RNF152: variants seen among roughly 807,000 people sequenced by gnomAD.
RNF152 encodes the protein ring finger protein 152, also known as E3 ubiquitin-protein ligase RNF152.
A neutral mutation model predicts 12.7 loss-of-function variants in RNF152; 11 were observed. The ratio of observed to expected loss-of-function variants is 0.86; its 90% CI spans 0.54 to 1.43. RNF152 has a LOEUF of 1.43. Ranked by LOEUF, RNF152 falls within the 40% of genes most tolerant of loss-of-function variation. The probability of loss-of-function intolerance (pLI) is 0.00; values close to 1 mark genes in which losing one functional copy is unlikely to be tolerated. For synonymous variants in RNF152, 113 were observed against 120.3 expected (o/e 0.94, Z 0.40); for missense variants, 255 against 274.8 (o/e 0.93, Z 0.51).
intron 1 of RNF152, among the ~76,000 whole-genome samples, chr18:61,873,723 G>A (rs1243775595): frequency 6.6e-6 from 1 of 152,144 alleles, no homozygotes; most frequent in Non-Finnish European, 1.5e-5. Context: ...CCCACATAGT[G>A]AACTCTAATT....
intron 1 of RNF152, among the ~76,000 whole-genome samples, chr18:61,891,954 G>T (rs942222836): frequency 1.3e-5 from 2 of 152,210 alleles, no homozygotes; most frequent in Non-Finnish European, 2.9e-5. Context: ...TGCTACTAGT[G>T]TAGGATGCGC....
At chr18:61,844,191 A>AAGGGAAGGAGGGAGGGAAGGAGGG (rs375491495) in intron 1 of RNF152, among the ~76,000 whole-genome samples, 2,688 of 58,700 alleles carry the variant, frequency 0.046, 180 homozygotes, top group African/African-American at 0.11. Context: ...GGAAGGAAGG[A>AAGGGAAGGAGGGAGGGAAGGAGGG]AGGGAAGGAG....
Position 61,816,072 on chromosome 18 carries a change from G to A in RNF152, c.392C>T (p.Thr131Ile), listed in dbSNP as rs1256528909. ...CTGTTCAGCAGGGATGGTCACCACG[G>A]TGACGGACTTCTGCTGGCTCCCGGG... ...LLPGSQQKSV[T>I]VVTIPAEQQP... Residue 131 changes from threonine to isoleucine, a missense_variant, in exon 2 of 2, where the codon ACC becomes ATC. By Grantham distance (89) the Thr-to-Ile change is moderately conservative. Coordinates refer to ENST00000312828, the MANE Select transcript of RNF152 (RefSeq NM_173557.3). 1 of 1,614,222 alleles carries A rather than the reference G, an allele frequency of 6.2e-7. No individual in the cohort carries two copies. Among genetic ancestry groups the A allele is most frequent in the African/African-American group, 1.3e-5 (1 of 75,066 alleles).
intron 1 of RNF152, among the ~76,000 whole-genome samples, chr18:61,889,065 C>T (rs565780542): frequency 6.6e-6 from 1 of 152,260 alleles, no homozygotes; most frequent in Non-Finnish European, 1.5e-5. Flanking sequence ...CCCAGGCACC[C>T]TGAATGGGTT....
intron 1 of RNF152, among the ~76,000 whole-genome samples, chr18:61,854,075 C>T (rs777999066): frequency 3.4e-4 from 51 of 152,188 alleles, no homozygotes; most frequent in Non-Finnish European, 5.7e-4. Context: ...CCAAGCCCCA[C>T]GTTCTTTCTG....
At chr18:61,827,435 A>G (rs1400846393) in intron 1 of RNF152, among the ~76,000 whole-genome samples, 7 of 152,230 alleles carry the variant, frequency 4.6e-5, no homozygotes, top group East Asian at 1.9e-4. Flanking sequence ...GGCTCAATGA[A>G]AAAACAAACA....
chr18:61,878,799 A>G (rs1398987520), intron 1 of RNF152, among the ~76,000 whole-genome samples: 1 of 152,230 alleles, frequency 6.6e-6, no homozygotes, highest in African/African-American at 2.4e-5. Context: ...TCACAAGGGC[A>G]GAGCCTTCAT....
chr18:61,849,927 A>G (rs188513449), intron 1 of RNF152, among the ~76,000 whole-genome samples: 138 of 152,300 alleles, frequency 9.1e-4, no homozygotes, highest in Non-Finnish European at 1.8e-3. Flanking sequence ...GTACTGTGTG[A>G]CCTGAGGCAA....
At chr18:61,827,979 G>A (rs1415128309) in intron 1 of RNF152, among the ~76,000 whole-genome samples, 7 of 152,168 alleles carry the variant, frequency 4.6e-5, no homozygotes, top group African/African-American at 1.7e-4. Flanking sequence ...AAAAAATCCA[G>A]ATTTCTCCTC....
At chr18:61,857,541 A>G (rs1279627774) in intron 1 of RNF152, among the ~76,000 whole-genome samples, 1 of 152,148 alleles carries the variant, frequency 6.6e-6, no homozygotes, top group Non-Finnish European at 1.5e-5. Context: ...TGTTCCCCAC[A>G]ATCTGTTGTT....
chr18:61,820,020 C>CAAAAA (rs1165545204), intron 1 of RNF152, among the ~76,000 whole-genome samples: 2 of 64,362 alleles, frequency 3.1e-5, no homozygotes, highest in Admixed American at 1.9e-4. Context: ...GACACTATCT[C>CAAAAA]AAAAAAAAAA....
chr18:61,880,178 C>T (rs1375322282), intron 1 of RNF152, among the ~76,000 whole-genome samples: 3 of 152,092 alleles, frequency 2.0e-5, no homozygotes, highest in Non-Finnish European at 4.4e-5. Flanking sequence ...AATCTTGCTG[C>T]AAATTTCCCA....
At chr18:61,837,875 G>C (rs1910259956) in intron 1 of RNF152, among the ~76,000 whole-genome samples, 1 of 152,182 alleles carries the variant, frequency 6.6e-6, no homozygotes, top group Non-Finnish European at 1.5e-5. Context: ...CTTTCCTTCA[G>C]ACTTTGCAGG....
chr18:61,875,646 T>C (rs1384220905), intron 1 of RNF152, among the ~76,000 whole-genome samples: 1 of 152,224 alleles, frequency 6.6e-6, no homozygotes, highest in East Asian at 1.9e-4. Flanking sequence ...CAAATCTGTT[T>C]TTTTCCCTGC....
chr18:61,836,461 G>C lies in RNF152; in HGVS notation c.-135-19863C>G, dbSNP rs530678945. ...GTCATGAGGGTAAGGCCCTAAGATG[G>C]GATTAGTGCCCTTATAAGAAGAAGA... On this transcript the variant is annotated intron_variant, in intron 1 of 1. Transcript: ENST00000312828. Among the ~76,000 whole-genome samples the C allele has an allele frequency of 2.8e-4, 42 of 152,210 alleles. No homozygotes were observed. In the South Asian group the frequency reaches 7.7e-3, roughly 28 times the overall value.
In RNF152 at chr18:61,809,672, C is replaced by T. The variant is rs1417521166; in HGVS notation, c.*6180G>A. ...CAAAGAAAATGCATGCTGTTGCAGA[C>T]TTCAAGAGGTCCCTCAGTACTCTGC... On this transcript the variant is annotated 3_prime_UTR_variant, in exon 2 of 2. Coordinates refer to ENST00000312828, the MANE Select transcript of RNF152 (RefSeq NM_173557.3). 1 of 152,120 alleles carries T rather than the reference C, an allele frequency of 6.6e-6. No individual in the cohort carries two copies. The highest frequency in any genetic ancestry group is 2.4e-5 in the African/African-American group (1 of 41,436). 9.4% of individuals were successfully genotyped at this position (152,120 alleles called of 1,614,324 possible). A position where few individuals can be genotyped will look rare whatever the true frequency, so the allele number is the denominator to read the frequency against.
In RNF152 at chr18:61,815,559, T is replaced by C. The variant is rs376679052; in HGVS notation, c.*293A>G. ...GTCTAAGTAGAATATGTCTATCTTGTAACATGATTTTGAAAAATCATAAAT... is the reference window on the plus strand; with the variant it reads ...GTCTAAGTAGAATATGTCTATCTTGCAACATGATTTTGAAAAATCATAAAT... On this transcript the variant is annotated 3_prime_UTR_variant, in exon 2 of 2. Coordinates refer to ENST00000312828, the MANE Select transcript of RNF152 (RefSeq NM_173557.3). 2.7e-6 allele frequency: 1 copy of C among 368,158 alleles called. No individual in the cohort carries two copies. The highest frequency in any genetic ancestry group is 5.0e-6 in the Non-Finnish European group (1 of 199,720). 22.8% of individuals were successfully genotyped at this position (368,158 alleles called of 1,614,324 possible).
intron 1 of RNF152, among the ~76,000 whole-genome samples, chr18:61,841,229 T>A (rs1379268141): frequency 1.3e-5 from 2 of 152,174 alleles, no homozygotes; most frequent in Non-Finnish European, 1.5e-5. Context: ...CCATTAAAAG[T>A]CACTACAAAG....
At chr18:61,828,080 T>C (rs530853665) in intron 1 of RNF152, among the ~76,000 whole-genome samples, 1 of 152,236 alleles carries the variant, frequency 6.6e-6, no homozygotes. Flanking sequence ...TTCAACCAGT[T>C]TTGACAAATG....
Sources: gnomAD v4.1 joint callset for allele counts (sites outside exome capture counted in the v4.1 genomes callset) on GRCh38, gnomAD v4.1.1 for gene constraint, MANE v1.5 for transcripts, NCBI Gene and HGNC (gene_info 2026-07-23, HGNC 2026-07-21) for gene names.